The following VGLL4 variants were observed in gnomAD, a reference collection of about 807,000 sequenced individuals.
VGLL4 encodes transcription cofactor vestigial-like protein 4.
Under a neutral mutation model 21.0 loss-of-function variants are expected in VGLL4, and 7 were observed. The observed-to-expected ratio is 0.33, with a 90% CI of 0.19 to 0.63. The LOEUF is 0.63. Ranked by LOEUF, VGLL4 falls within the 20% of genes least tolerant of loss-of-function variation. The pLI is 0.78. For synonymous variants in VGLL4, 222 were observed against 173.2 expected (o/e 1.28, Z -2.21); for missense variants, 394 against 425.7 (o/e 0.93, Z 0.66).
intron 2 of VGLL4, among the ~76,000 whole-genome samples, chr3:11,589,134 G>C (rs1017363139): frequency 6.6e-6 from 1 of 152,104 alleles, no homozygotes; most frequent in Non-Finnish European, 1.5e-5. Flanking sequence ...TAAGACAAGG[G>C]ACTGCACTCT....
chr3:11,559,378 G>A lies in VGLL4; in HGVS notation c.573C>T (p.Ser191=), dbSNP rs370809228. The A allele has an allele frequency of 1.0e-4, 155 of 1,554,260 alleles. 1 individual carries two copies. The highest frequency in any genetic ancestry group is 2.0e-4 in the Middle Eastern group (1 of 4,940). Residue 191 remains serine (S), a synonymous_variant, in exon 4 of 5, where the codon AGC becomes AGT. Transcript: ENST00000430365. ...TGGCAGGCCCGGGCGCGGCACAGCC[G>A]CTGTGCGCGATGGGGCAGTGCGAGA... is the stretch of plus-strand genomic sequence containing the variant. ...CNLSHCPIAH[S]GCAAPGPASY...
rs2073398223 is a variant in VGLL4, at chr3:11,565,042, C to T, written c.273-23G>A. On this transcript the variant is annotated intron_variant, in intron 2 of 4. Coordinates refer to ENST00000430365, the MANE Select transcript of VGLL4 (RefSeq NM_001128219.3). The surrounding 1 kb of genome is among the most constrained non-coding windows in gnomAD (Gnocchi z 4.1). ...TTCCTGAAAAAGAGGAATGGGCATT[C>T]AGGGGGCGTTTTCTCAAAGGCAAAG... 6.8e-7 allele frequency: 1 copy of T among 1,466,108 alleles called. No homozygotes were observed. The highest frequency in any genetic ancestry group is 1.5e-5 in the African/African-American group (1 of 68,596). 90.8% of individuals were successfully genotyped at this position (1,466,108 alleles called of 1,614,324 possible). A position where few individuals can be genotyped will look rare whatever the true frequency, so the allele number is the denominator to read the frequency against.
chr3:11,611,384 G>A (rs1219752327), intron 1 of VGLL4, among the ~76,000 whole-genome samples: 3 of 152,152 alleles, frequency 2.0e-5, no homozygotes, highest in East Asian at 1.9e-4. Context: ...AAGAGAAGGC[G>A]GCCATCTGCA....
rs1242904877 is a variant in VGLL4, at chr3:11,602,042, G to A, written c.83-20C>T. ...CTTCGCCTACGCAGAGAGAGATGAT[G>A]TAGTCACTAAGCAGGAGAAAGGCCC... is the stretch of plus-strand genomic sequence containing the variant. On this transcript the variant is annotated intron_variant, in intron 1 of 4. Coordinates refer to ENST00000430365, the MANE Select transcript of VGLL4 (RefSeq NM_001128219.3). The A allele has an allele frequency of 4.6e-6, 7 of 1,517,066 alleles. No individual in the cohort carries two copies. The highest frequency in any genetic ancestry group is 6.2e-6 in the Non-Finnish European group (7 of 1,138,010). 94.0% of individuals were successfully genotyped at this position (1,517,066 alleles called of 1,614,324 possible). A position where few individuals can be genotyped will look rare whatever the true frequency, so the allele number is the denominator to read the frequency against.
intron 2 of VGLL4, among the ~76,000 whole-genome samples, chr3:11,599,025 T>A (rs186690680): frequency 3.7e-4 from 56 of 152,328 alleles, no homozygotes; most frequent in African/African-American, 1.3e-3. Flanking sequence ...GGGAGCATGC[T>A]ATAGCCCAAA....
intron 1 of VGLL4, among the ~76,000 whole-genome samples, chr3:11,716,811 G>T (rs1285182275): frequency 6.6e-6 from 1 of 151,442 alleles, no homozygotes; most frequent in Non-Finnish European, 1.5e-5. Flanking sequence ...TTTGCGGGGG[G>T]GTGGTTTATG....
At chr3:11,718,405 C>A (rs978593200) in intron 1 of VGLL4, among the ~76,000 whole-genome samples, 2 of 152,204 alleles carry the variant, frequency 1.3e-5, no homozygotes, top group Non-Finnish European at 2.9e-5. Context: ...ACCACAGGGA[C>A]AGCTTTACTG....
At chr3:11,594,884 A>G (rs2074594211) in intron 2 of VGLL4, among the ~76,000 whole-genome samples, 1 of 152,248 alleles carries the variant, frequency 6.6e-6, no homozygotes, top group African/African-American at 2.4e-5. Context: ...GAAGGCGGCC[A>G]GGCACGGTGG....
intron 2 of VGLL4, among the ~76,000 whole-genome samples, chr3:11,652,010 A>C (rs1342452113): frequency 6.6e-6 from 1 of 152,224 alleles, no homozygotes; most frequent in Non-Finnish European, 1.5e-5. Context: ...ACTTCTATTA[A>C]GTAGCGACTG....
chr3:11,674,714 A>C (rs1480800821), intron 2 of VGLL4, among the ~76,000 whole-genome samples: 1 of 152,210 alleles, frequency 6.6e-6, no homozygotes, highest in Non-Finnish European at 1.5e-5. Flanking sequence ...CAGACACAAG[A>C]AACGGGACAC....
At chr3:11,576,623 G>A (rs913735873) in intron 2 of VGLL4, among the ~76,000 whole-genome samples, 2 of 152,206 alleles carry the variant, frequency 1.3e-5, no homozygotes, top group East Asian at 1.9e-4. Flanking sequence ...CAGCTGAGGC[G>A]AGGACTAGAG....
At chr3:11,663,867 A>G (rs968570404) in intron 2 of VGLL4, among the ~76,000 whole-genome samples, 2 of 152,262 alleles carry the variant, frequency 1.3e-5, no homozygotes, top group Non-Finnish European at 2.9e-5. Context: ...ATGCTGTAAG[A>G]AAACACATTT....
intron 1 of VGLL4, among the ~76,000 whole-genome samples, chr3:11,717,736 G>A (rs2076939223): frequency 6.6e-6 from 1 of 152,104 alleles, no homozygotes; most frequent in Non-Finnish European, 1.5e-5. Context: ...TCAGTTGGGG[G>A]ATAGCAGTAA....
At chr3:11,661,435 T>TTTA (rs2076036247) in intron 2 of VGLL4, among the ~76,000 whole-genome samples, 3 of 148,034 alleles carry the variant, frequency 2.0e-5, no homozygotes, top group Non-Finnish European at 3.0e-5. Context: ...ACATTTTTCC[T>TTTA]TTTATTTATT....
intron 2 of VGLL4, chr3:11,671,165 T>C: frequency 7.4e-7 from 1 of 1,355,034 alleles, no homozygotes; most frequent in South Asian, 1.4e-5. Context: ...TAGATAAACA[T>C]ACCACACTTT....
chr3:11,611,709 A>T (rs1026606924), intron 1 of VGLL4: 1 of 152,290 alleles, frequency 6.6e-6, no homozygotes, highest in Non-Finnish European at 1.5e-5. Flanking sequence ...AGGAGGAAAC[A>T]AACACATGGA....
chr3:11,720,091 C>T (rs893428700), intron 1 of VGLL4, among the ~76,000 whole-genome samples: 1 of 152,140 alleles, frequency 6.6e-6, no homozygotes, highest in African/African-American at 2.4e-5. Context: ...GGACAGCGCA[C>T]GGGACGCCGA....
intron 1 of VGLL4, among the ~76,000 whole-genome samples, chr3:11,621,125 G>C (rs2075258890): frequency 6.6e-6 from 1 of 152,180 alleles, no homozygotes; most frequent in South Asian, 2.1e-4. Context: ...GGAATGAATG[G>C]AGCAACAATA....
upstream of VGLL4, among the ~76,000 whole-genome samples, chr3:11,648,756 C>A (rs1396669691): frequency 6.6e-6 from 1 of 152,154 alleles, no homozygotes; most frequent in Non-Finnish European, 1.5e-5. Context: ...GCATGAGAAA[C>A]AAATGGCCAA....
Sources: gnomAD v4.1 joint callset for allele counts (sites outside exome capture counted in the v4.1 genomes callset) on GRCh38, gnomAD v4.1.1 for gene constraint, Gnocchi (gnomAD v3.1) non-coding constraint, MANE v1.5 for transcripts, NCBI Gene and HGNC (gene_info 2026-07-23, HGNC 2026-07-21) for gene names.